PEX6: variants seen among roughly 807,000 people sequenced by gnomAD.
PEX6 encodes the protein peroxisomal biogenesis factor 6.
PEX6 carries 55 observed loss-of-function variants against 85.6 expected under a neutral mutation model. That is an observed-to-expected ratio of 0.64 (90% CI 0.52 to 0.80). The LOEUF is 0.80. Among genes scored for constraint, PEX6 ranks in the 30% least tolerant of loss-of-function variants. The probability of loss-of-function intolerance (pLI) is 0.00; values close to 1 mark genes in which losing one functional copy is unlikely to be tolerated. For missense variants in PEX6, 1,099 were observed against 1,260.3 expected (o/e 0.87, Z 1.94); for synonymous variants, 519 against 549.1 (o/e 0.95, Z 0.77).
chr6:42,968,769 G>A lies in PEX6; in HGVS notation c.1479+105C>T, dbSNP rs1769943142. On this transcript the variant is annotated intron_variant, in intron 6 of 16. Coordinates refer to ENST00000304611, the MANE Select transcript of PEX6 (RefSeq NM_000287.4). ...CTGACCCACTGGGCTGAAGTGCTAG[G>A]GCCTGTGAGTAGACAGAGGAGGGAG... The A allele has an allele frequency of 6.6e-6, 6 of 906,014 alleles. No homozygotes were observed. The Admixed American group carries it at 8.5e-5, about 13-fold the overall frequency. The allele number at this position is 906,014 out of a possible 1,614,324, so 56.1% of individuals were successfully genotyped here.
chr6:42,965,348 G>T lies in PEX6; in HGVS notation c.2492C>A (p.Ala831Asp). ...VMDRVVSQLL[A>D]ELDGLHSTQD... is the part of the protein sequence containing the mutation. ...AGTGCTGTGCAGCCCATCTAGCTCG[G>T]CAAGGAGCTGAGACACCACCCTGGA... Residue 831 changes from alanine to aspartate, a missense_variant, in exon 14 of 17, where the codon GCC becomes GAC. Coordinates refer to ENST00000304611, the MANE Select transcript of PEX6 (RefSeq NM_000287.4). The surrounding 1 kb of genome is among the most constrained non-coding windows in gnomAD (Gnocchi z 5.0). The T allele has an allele frequency of 6.2e-7, 1 of 1,613,632 alleles. No individual in the cohort carries two copies. The highest frequency in any genetic ancestry group is 8.5e-7 in the Non-Finnish European group (1 of 1,179,724).
At chr6:42,970,754 C>T (rs533803829) in intron 3 of PEX6, among the ~76,000 whole-genome samples, 1 of 152,232 alleles carries the variant, frequency 6.6e-6, no homozygotes, top group South Asian at 2.1e-4. Context: ...TTTCTCCTTC[C>T]TTTGTGAAGG....
Position 42,966,768 on chromosome 6 carries a change from C to T in PEX6, c.1961+14G>A, listed in dbSNP as rs1189439473. 4 of 1,613,862 alleles carry T rather than the reference C, an allele frequency of 2.5e-6. No individual in the cohort carries two copies. The highest frequency in any genetic ancestry group is 3.4e-6 in the Non-Finnish European group (4 of 1,179,960). On this transcript the variant is annotated intron_variant, in intron 9 of 16. Coordinates refer to ENST00000304611, the MANE Select transcript of PEX6 (RefSeq NM_000287.4). Reference sequence around the variant, plus strand: ...TTTCCTCTTTCCGCCTTTCCGGTGCCCACGTCCTCTTACCCTGAGTTCTTG... The same window carrying T: ...TTTCCTCTTTCCGCCTTTCCGGTGCTCACGTCCTCTTACCCTGAGTTCTTG...
chr6:42,978,358 G>T lies in PEX6; in HGVS notation c.793C>A (p.Pro265Thr). Reference sequence around the variant, plus strand: ...ACAAGCGCCAGTCCGTCAGCGAGGGGCTCTCCCAGCGGTCCAGAGCCGGGT... The same window carrying T: ...ACAAGCGCCAGTCCGTCAGCGAGGGTCTCTCCCAGCGGTCCAGAGCCGGGT... Reference protein sequence around the residue: ...LGPGSGPLGEPLADGLALVPA... With the variant: ...LGPGSGPLGETLADGLALVPA... The change falls in exon 1 of 17, where the codon CCC becomes ACC. Residue 265 changes from proline to threonine, a missense_variant. Physicochemically the swap from Pro to Thr is conservative, Grantham distance 38 (BLOSUM62 -1). This residue lies in a region of PEX6 where 579 missense variants were observed against 611.6 expected (regional missense o/e 0.95). Transcript: ENST00000304611. The T allele has an allele frequency of 3.1e-6, 5 of 1,614,208 alleles. No homozygotes were observed. The highest frequency in any genetic ancestry group is 3.4e-6 in the Non-Finnish European group (4 of 1,180,028).
rs755906886 is a variant in PEX6 at position 42,974,914 on chromosome 6, T to C, written c.1007A>G (p.Asn336Ser). The C allele has an allele frequency of 1.2e-6, 2 of 1,613,966 alleles. No homozygotes were observed. The highest frequency in any genetic ancestry group is 1.7e-6 in the Non-Finnish European group (2 of 1,179,974). The change falls in exon 2 of 17, where the codon AAT (asparagine) becomes AGT (serine). Residue 336 changes from asparagine (N) to serine (S), a missense_variant. Asn to Ser is a conservative substitution (Grantham distance 46). Coordinates refer to ENST00000304611, the MANE Select transcript of PEX6 (RefSeq NM_000287.4). ...VSSPHYSTNG[N>S]YDGVLYRHFQ... ...GTGCCGGTAAAGAACACCGTCATAATTTCCATTAGTGCTGTAGTGGGGAGA... is the reference window on the plus strand; with the variant it reads ...GTGCCGGTAAAGAACACCGTCATAACTTCCATTAGTGCTGTAGTGGGGAGA...
chr6:42,974,209 C>G, intron 2 of PEX6, 123 bp from the exon 3 acceptor site: 2 of 741,486 alleles, frequency 2.7e-6, no homozygotes, highest in Non-Finnish European at 4.8e-6. Context: ...AGAGATCCCA[C>G]GCAGTTCTCC....
chr6:42,964,642 T>C lies in PEX6; in HGVS notation c.2806+148A>G. The C allele has an allele frequency of 1.6e-6, 2 of 1,269,380 alleles. No homozygotes were observed. The highest frequency in any genetic ancestry group is 2.3e-6 in the Non-Finnish European group (2 of 878,780). 78.6% of individuals were successfully genotyped at this position (1,269,380 alleles called of 1,614,324 possible). A position where few individuals can be genotyped will look rare whatever the true frequency, so the allele number is the denominator to read the frequency against. On this transcript the variant is annotated intron_variant, in intron 16 of 16. Coordinates refer to ENST00000304611, the MANE Select transcript of PEX6 (RefSeq NM_000287.4). This position sits in a 1 kb window ranked among gnomAD's most constrained non-coding sequence, Gnocchi z 4.6. ...TTTCCCTTAAACATTTTTTTTAGAG[T>C]TGGGGTCTCTCTGTGTTGCCCAGGC... is the stretch of plus-strand genomic sequence containing the variant.
At position 42,964,205 on chromosome 6, in the gene PEX6, T is replaced by C; in HGVS notation, c.*130A>G. The C allele has an allele frequency of 9.8e-7, 1 of 1,015,652 alleles. No individual in the cohort carries two copies. Among genetic ancestry groups the C allele is most frequent in the Non-Finnish European group, 1.5e-6 (1 of 663,928 alleles). The allele number at this position is 1,015,652 out of a possible 1,614,324, so 62.9% of individuals were successfully genotyped here. A position where few individuals can be genotyped will look rare whatever the true frequency, so the allele number is the denominator to read the frequency against. ...CAATGCCACTTTGCACCCTGGGATCTCCTGGAGGGAGGTGGCCTCCAGGTG... is the reference window on the plus strand; with the variant it reads ...CAATGCCACTTTGCACCCTGGGATCCCCTGGAGGGAGGTGGCCTCCAGGTG... On this transcript the variant is annotated 3_prime_UTR_variant, in exon 17 of 17. Coordinates refer to ENST00000304611, the MANE Select transcript of PEX6 (RefSeq NM_000287.4). The surrounding 1 kb of genome is among the most constrained non-coding windows in gnomAD (Gnocchi z 4.6).
At chr6:42,968,568 G>C in intron 6 of PEX6, 70 bp from the exon 7 acceptor site, 17 of 1,370,746 alleles carry the variant, frequency 1.2e-5, no homozygotes, top group Non-Finnish European at 1.7e-5. Context: ...ATCAGGGGAG[G>C]AGGAGGTGGA....
chr6:42,965,849 G>T lies in PEX6; in HGVS notation c.2363-60C>A. 1 of 1,467,466 alleles carries T rather than the reference G, an allele frequency of 6.8e-7. No individual in the cohort carries two copies. The highest frequency in any genetic ancestry group is 9.5e-7 in the Non-Finnish European group (1 of 1,048,342). The allele number at this position is 1,467,466 out of a possible 1,614,324, so 90.9% of individuals were successfully genotyped here. Reference sequence around the variant, plus strand: ...CTCGGCTTGTGGGGGGTTGAAGTTAGGTGAGAGCAGGGAGGGAAACTGGGG... The same window carrying T: ...CTCGGCTTGTGGGGGGTTGAAGTTATGTGAGAGCAGGGAGGGAAACTGGGG... On this transcript the variant is annotated intron_variant, in intron 12 of 16. Transcript: ENST00000304611. This position sits in a 1 kb window ranked among gnomAD's most constrained non-coding sequence, Gnocchi z 5.0.
In PEX6 at chr6:42,966,556, G is replaced by T. The variant is rs1346058888; in HGVS notation, c.2063C>A (p.Thr688Lys). The T allele has an allele frequency of 6.2e-7, 1 of 1,614,196 alleles. No individual in the cohort carries two copies. Among genetic ancestry groups the T allele is most frequent in the African/African-American group, 1.3e-5 (1 of 75,048 alleles). Residue 688 changes from threonine (T) to lysine (K), a missense_variant, in exon 10 of 17, where the codon ACA becomes AAA. Physicochemically the swap from Thr to Lys is moderately conservative, Grantham distance 78. This residue lies in a region of PEX6 where 514 missense variants were observed against 627.0 expected (regional missense o/e 0.82). Coordinates refer to ENST00000304611, the MANE Select transcript of PEX6 (RefSeq NM_000287.4). ...DFGQALEQLQ[T>K]AHSQAVGAPK... is the part of the protein sequence containing the mutation. The stretch of plus-strand genomic sequence containing the variant: ...GGCTCCAACGGCCTGGGAGTGAGCT[G>T]TCTGCAGTTGCTCCAGTGCCTGCCC...
At chr6:42,967,675 T>C (rs1769891743) in intron 7 of PEX6, 112 bp from the exon 8 acceptor site, 2 of 917,520 alleles carry the variant, frequency 2.2e-6, no homozygotes, top group Non-Finnish European at 1.7e-6. Flanking sequence ...GGTGCTAGGA[T>C]GGGGTAGGGA....
Position 42,965,617 on chromosome 6 carries a change from G to A in PEX6, c.2471+64C>T. On this transcript the variant is annotated intron_variant, in intron 13 of 16. Transcript: ENST00000304611. This position sits in a 1 kb window ranked among gnomAD's most constrained non-coding sequence, Gnocchi z 5.0. The stretch of plus-strand genomic sequence containing the variant: ...CTATCTCTGGACTCTGAAGACTGCT[G>A]TGAGCTTTCTCATATCCTTCCCACC... 8.6e-7 allele frequency: 1 copy of A among 1,161,128 alleles called. No homozygotes were observed. The highest frequency in any genetic ancestry group is 1.3e-6 in the Non-Finnish European group (1 of 766,522). The allele number at this position is 1,161,128 out of a possible 1,614,324, so 71.9% of individuals were successfully genotyped here.
At chr6:42,974,467 T>TG (rs1770196774) in intron 2 of PEX6, among the ~76,000 whole-genome samples, 1 of 140,072 alleles carries the variant, frequency 7.1e-6, no homozygotes. Flanking sequence ...TTTTTTTTTT[T>TG]TTTTTTTTGA....
rs767087006 is a variant in PEX6 at position 42,969,777 on chromosome 6, G to C, written c.1258C>G (p.Pro420Ala). Reference protein sequence around the residue: ...YMVGSTLSPVPWLPSEESTLW... With the variant: ...YMVGSTLSPVAWLPSEESTLW... ...GTGGATTCCTCTGAAGGGAGCCATG[G>C]AACAGGGCTCAGGGTAGAACCCACC... The change falls in exon 5 of 17, where the codon CCA becomes GCA. Residue 420 changes from proline to alanine, a missense_variant. By Grantham distance (27) the Pro-to-Ala change is conservative (BLOSUM62 -1). Transcript: ENST00000304611. 6.2e-7 allele frequency: 1 copy of C among 1,613,892 alleles called. No homozygotes were observed. The highest frequency in any genetic ancestry group is 1.7e-5 in the Admixed American group (1 of 60,026).
chr6:42,974,755 C>G, intron 2 of PEX6, 120 bp downstream of exon 2: 1 of 931,200 alleles, frequency 1.1e-6, no homozygotes, highest in African/African-American at 1.6e-5. Context: ...GCCACAGCAC[C>G]TAGCCGCAAA....
At position 42,964,275 on chromosome 6, in the gene PEX6, C is replaced by T; in HGVS notation, c.*60G>A. 1 of 1,602,606 alleles carries T rather than the reference C, an allele frequency of 6.2e-7. No homozygotes were observed. The highest frequency in any genetic ancestry group is 1.1e-5 in the South Asian group (1 of 90,604). ...AGGAGCCCTTCCTTCCCAGATCTCTCTGTGGGCTATCAAGGTACCTGCAGC... is the reference window on the plus strand; with the variant it reads ...AGGAGCCCTTCCTTCCCAGATCTCTTTGTGGGCTATCAAGGTACCTGCAGC... On this transcript the variant is annotated 3_prime_UTR_variant, in exon 17 of 17. Coordinates refer to ENST00000304611, the MANE Select transcript of PEX6 (RefSeq NM_000287.4). This position sits in a 1 kb window ranked among gnomAD's most constrained non-coding sequence, Gnocchi z 4.6.
chr6:42,964,088 C>G lies in PEX6; in HGVS notation c.*247G>C, dbSNP rs1277708909. 1.7e-6 allele frequency: 1 copy of G among 593,330 alleles called. No homozygotes were observed. The highest frequency in any genetic ancestry group is 3.0e-6 in the Non-Finnish European group (1 of 334,262). The allele number at this position is 593,330 out of a possible 1,614,324, so 36.8% of individuals were successfully genotyped here. A position where few individuals can be genotyped will look rare whatever the true frequency, so the allele number is the denominator to read the frequency against. ...ATCCCCAGAACCCAAGGCCCTGGCC[C>G]TCTTCCTGAGTAGATGGGCCTTTCT... On this transcript the variant is annotated 3_prime_UTR_variant, in exon 17 of 17. Transcript: ENST00000304611. This position sits in a 1 kb window ranked among gnomAD's most constrained non-coding sequence, Gnocchi z 4.6.
At chr6:42,974,291 T>G (rs1366966926) in intron 2 of PEX6, among the ~76,000 whole-genome samples, 1 of 152,124 alleles carries the variant, frequency 6.6e-6, no homozygotes, top group Non-Finnish European at 1.5e-5. Context: ...CAGAGACAGA[T>G]GAGTGGCAGA....
Sources: allele counts gnomAD v4.1 joint callset (sites outside exome capture counted in the v4.1 genomes callset), GRCh38; gene constraint gnomAD v4.1.1; regional missense constraint gnomAD v4.1.1; non-coding constraint Gnocchi (gnomAD v3.1); transcripts MANE v1.5; gene names NCBI Gene and HGNC (gene_info 2026-07-23, HGNC 2026-07-21).